Variants in UNC79 observed in about 807,000 individuals in gnomAD.
UNC79 encodes unc-79 subunit of NALCN channel complex.
In UNC79, 37 loss-of-function variants were observed where a neutral mutation model predicts 283.1. That is an observed-to-expected ratio of 0.13 (90% CI 0.10 to 0.17). The LOEUF is 0.17. Among genes scored for constraint, UNC79 ranks in the 10% least tolerant of loss-of-function variants. The pLI is 1.00. For missense variants in UNC79, 2,272 were observed against 3,211.1 expected (o/e 0.71, Z 7.07); for synonymous variants, 1,107 against 1,200.2 (o/e 0.92, Z 1.61).
intron 27 of UNC79, among the ~76,000 whole-genome samples, chr14:93,615,720 C>CAAAAAAAAAAAAAAAA (rs1158073507): frequency 9.0e-4 from 21 of 23,230 alleles, no homozygotes; most frequent in Non-Finnish European, 1.3e-3. Context: ...GACTCCATCT[C>CAAAAAAAAAAAAAAAA]AAAAAAAAAA....
intron 40 of UNC79, among the ~76,000 whole-genome samples, chr14:93,666,562 A>G (rs575258376): frequency 6.6e-6 from 1 of 152,334 alleles, no homozygotes; most frequent in East Asian, 1.9e-4. Context: ...GGATAATGTG[A>G]CAATTCAAAA....
At chr14:93,441,143 A>G (rs527345207) in intron 1 of UNC79, among the ~76,000 whole-genome samples, 1 of 152,212 alleles carries the variant, frequency 6.6e-6, no homozygotes, top group Non-Finnish European at 1.5e-5. Flanking sequence ...AATAACTAAT[A>G]TCTTCATTGT....
At chr14:93,561,360 G>A (rs2062540303) in intron 14 of UNC79, among the ~76,000 whole-genome samples, 1 of 152,142 alleles carries the variant, frequency 6.6e-6, no homozygotes, top group Non-Finnish European at 1.5e-5. Flanking sequence ...GCAGCAGCTT[G>A]CTGATGTGAA....
chr14:93,625,966 C>T (rs1317845663), intron 30 of UNC79, among the ~76,000 whole-genome samples: 1 of 152,170 alleles, frequency 6.6e-6, no homozygotes, highest in African/African-American at 2.4e-5. Context: ...TCAGCAACAG[C>T]ACATGGGCCA....
chr14:93,371,170 A>C (rs755004461), intron 1 of UNC79, among the ~76,000 whole-genome samples: 1 of 152,088 alleles, frequency 6.6e-6, no homozygotes, highest in Non-Finnish European at 1.5e-5. Flanking sequence ...TGGGCAGATC[A>C]CAAGGTCAGG....
chr14:93,486,569 G>A (rs905905986), intron 4 of UNC79, among the ~76,000 whole-genome samples: 19 of 150,000 alleles, frequency 1.3e-4, no homozygotes, highest in Non-Finnish European at 2.5e-4. Flanking sequence ...CAGGAGAATC[G>A]CTTGAACCCA....
intron 22 of UNC79, 41 bp downstream of exon 22, chr14:93,586,949 A>T (rs1179831505): frequency 1.3e-6 from 2 of 1,593,642 alleles, no homozygotes; most frequent in African/African-American, 2.7e-5. Context: ...TTTATACATT[A>T]GGCTTTAGTT....
chr14:93,426,058 T>G (rs2055719000), upstream of UNC79, among the ~76,000 whole-genome samples: 1 of 152,208 alleles, frequency 6.6e-6, no homozygotes, highest in Non-Finnish European at 1.5e-5. Flanking sequence ...TTTATTTTAT[T>G]TTCATTATGA....
At chr14:93,357,785 GGATATATATATA>G (rs2054129080) in intron 1 of UNC79, among the ~76,000 whole-genome samples, 1 of 106,908 alleles carries the variant, frequency 9.4e-6, no homozygotes, top group African/African-American at 3.3e-5. Context: ...GTGGATATAT[GGATATATATATA>G]TGGATATATG....
chr14:93,383,467 A>G (rs1438676917), intron 1 of UNC79, among the ~76,000 whole-genome samples: 1 of 152,204 alleles, frequency 6.6e-6, no homozygotes, highest in African/African-American at 2.4e-5. Context: ...TTTCCAGTAC[A>G]TATGAAAGGT....
intron 1 of UNC79, among the ~76,000 whole-genome samples, chr14:93,347,027 T>G (rs1251343357): frequency 1.9e-4 from 20 of 105,888 alleles, no homozygotes; most frequent in South Asian, 2.8e-4. Context: ...GCAGAGGGGG[T>G]GGGGCAAAGC....
chr14:93,485,346 A>C (rs2058364532), intron 4 of UNC79, among the ~76,000 whole-genome samples: 1 of 151,682 alleles, frequency 6.6e-6, no homozygotes, highest in Admixed American at 6.6e-5. Flanking sequence ...TTCTTCCTGC[A>C]CCTGGACACC....
At chr14:93,665,612 AC>A (rs2072105466) in intron 40 of UNC79, among the ~76,000 whole-genome samples, 1 of 152,036 alleles carries the variant, frequency 6.6e-6, no homozygotes, top group Admixed American at 6.6e-5. Context: ...ACTTGTCAAA[AC>A]AGTCAAGACA....
intron 14 of UNC79, among the ~76,000 whole-genome samples, chr14:93,556,632 G>A (rs2062189444): frequency 6.6e-6 from 1 of 151,666 alleles, no homozygotes; most frequent in African/African-American, 2.4e-5. Context: ...AGGGCAGTGA[G>A]GGCGTGTGTG....
intron 31 of UNC79, among the ~76,000 whole-genome samples, chr14:93,635,876 C>T (rs968013451): frequency 6.6e-6 from 1 of 152,186 alleles, no homozygotes; most frequent in African/African-American, 2.4e-5. Flanking sequence ...TGAATGAAGT[C>T]TTTCTGCCTA....
chr14:93,571,733 G>C (rs776700392), intron 14 of UNC79, among the ~76,000 whole-genome samples, 161 bp from the exon 15 acceptor site: 24 of 152,186 alleles, frequency 1.6e-4, no homozygotes, highest in Admixed American at 2.6e-4. Context: ...CTGGTGGTTT[G>C]CCGTCTTACG....
intron 1 of UNC79, among the ~76,000 whole-genome samples, chr14:93,394,864 A>G (rs1174276892): frequency 6.6e-6 from 1 of 152,074 alleles, no homozygotes; most frequent in African/African-American, 2.4e-5. Flanking sequence ...GGCATGTGCC[A>G]CCATGCCTGG....
At chr14:93,485,327 G>A (rs1235435100) in intron 4 of UNC79, among the ~76,000 whole-genome samples, 1 of 151,674 alleles carries the variant, frequency 6.6e-6, no homozygotes, top group Admixed American at 6.6e-5. Flanking sequence ...GGCACAGGGT[G>A]TGCAATTATT....
chr14:93,352,843 T>C (rs1388575477), intron 1 of UNC79, among the ~76,000 whole-genome samples: 2 of 152,246 alleles, frequency 1.3e-5, no homozygotes, highest in Non-Finnish European at 2.9e-5. Context: ...TTGTAAGTAC[T>C]GTAAGTTGAA....
Sources: gnomAD v4.1 joint callset for allele counts (sites outside exome capture counted in the v4.1 genomes callset) on GRCh38, gnomAD v4.1.1 for gene constraint, MANE v1.5 for transcripts, NCBI Gene and HGNC (gene_info 2026-07-23, HGNC 2026-07-21) for gene names.